CSMD3: variants seen among roughly 807,000 people sequenced by gnomAD.
CSMD3 encodes CUB and sushi domain-containing protein 3.
A neutral mutation model predicts 435.2 loss-of-function variants in CSMD3; 177 were observed. The observed-to-expected ratio is 0.41, with a 90% CI of 0.36 to 0.46. The LOEUF is 0.46. Among genes scored for constraint, CSMD3 ranks in the 20% least tolerant of loss-of-function variants. CSMD3 has a pLI of 0.34. For synonymous variants in CSMD3, 1,656 were observed against 1,520.5 expected (o/e 1.09, Z -2.07); for missense variants, 4,265 against 4,504.6 (o/e 0.95, Z 1.52).
intron 1 of CSMD3, among the ~76,000 whole-genome samples, chr8:113,419,718 AG>A (rs2094600483): frequency 6.6e-6 from 1 of 152,142 alleles, no homozygotes; most frequent in African/African-American, 2.4e-5. Context: ...TAATTCCCAT[AG>A]TGCCTTTTAT....
Position 112,224,867 on chromosome 8 carries a change from A to G in CSMD3, c.11028T>C (p.Ala3676=). ...SVHENNNGQA[A]FENPMYDTNA... is the part of the protein sequence containing the mutation. Reference sequence around the variant, plus strand: ...TGGTGTCATACATGGGATTTTCAAAAGCTGCTTGGCCATTGTTATTTTCAT... The same window carrying G: ...TGGTGTCATACATGGGATTTTCAAAGGCTGCTTGGCCATTGTTATTTTCAT... Residue 3676 remains alanine, a synonymous_variant, in exon 71 of 71, where the codon GCT becomes GCC. Coordinates refer to ENST00000297405, the MANE Select transcript of CSMD3 (RefSeq NM_198123.2). 1.2e-6 allele frequency: 2 copies of G among 1,614,080 alleles called. No individual in the cohort carries two copies. Among genetic ancestry groups the G allele is most frequent in the South Asian group, 1.1e-5 (1 of 91,090 alleles).
intron 3 of CSMD3, among the ~76,000 whole-genome samples, chr8:113,198,622 C>T (rs916909529): frequency 1.3e-5 from 2 of 151,124 alleles, no homozygotes; most frequent in African/African-American, 4.8e-5. Flanking sequence ...TCCATAATTA[C>T]ATTTTAACTT....
chr8:112,537,390 G>A (rs1255131280), intron 27 of CSMD3, among the ~76,000 whole-genome samples: 1 of 138,878 alleles, frequency 7.2e-6, no homozygotes, highest in African/African-American at 2.7e-5. Flanking sequence ...AAATTATAAA[G>A]ATCAGAACAG....
intron 6 of CSMD3, among the ~76,000 whole-genome samples, chr8:112,978,110 C>A (rs1421545926): frequency 6.6e-6 from 1 of 151,808 alleles, no homozygotes; most frequent in Non-Finnish European, 1.5e-5. Context: ...AAAACTAATG[C>A]TTTAATATTT....
rs191717259 is a variant in CSMD3 at position 112,707,123 on chromosome 8, C to A, written c.1973-17073G>T. On this transcript the variant is annotated intron_variant, in intron 13 of 70. Transcript: ENST00000297405. Reference sequence around the variant, plus strand: ...TAAATGGATTTTTCTTTTGAAAGAACCTTAACTGCATACAGCCCAATAGTC... The same window carrying A: ...TAAATGGATTTTTCTTTTGAAAGAAACTTAACTGCATACAGCCCAATAGTC... 3.4e-3 allele frequency among the ~76,000 whole-genome samples: 510 copies of A among 151,842 alleles called. 4 individuals carry two copies. The highest frequency in any genetic ancestry group is 0.011 in the African/African-American group (441 of 41,350).
intron 21 of CSMD3, among the ~76,000 whole-genome samples, chr8:112,637,746 C>T (rs937222717): frequency 6.6e-6 from 1 of 151,942 alleles, no homozygotes; most frequent in African/African-American, 2.4e-5. Context: ...AGAGGCATTG[C>T]TTCATGTTGA....
At chr8:112,558,726 T>C (rs902162617) in intron 24 of CSMD3, among the ~76,000 whole-genome samples, 73 of 151,944 alleles carry the variant, frequency 4.8e-4, no homozygotes, top group African/African-American at 1.6e-3. Context: ...GAGCAGAGAA[T>C]TGGGTTTTGC....
intron 28 of CSMD3, among the ~76,000 whole-genome samples, chr8:112,509,231 A>G (rs1822844749): frequency 6.6e-6 from 1 of 152,002 alleles, no homozygotes; most frequent in Admixed American, 6.6e-5. Flanking sequence ...CTGGGACTAC[A>G]GAGGTGTGCT....
intron 2 of CSMD3, among the ~76,000 whole-genome samples, chr8:113,281,238 T>G (rs1171318118): frequency 6.6e-6 from 1 of 151,852 alleles, no homozygotes; most frequent in Non-Finnish European, 1.5e-5. Context: ...AGTTTCTGTC[T>G]TGACCTGTCT....
chr8:112,591,598 T>C (rs1384890886), intron 22 of CSMD3, among the ~76,000 whole-genome samples: 1 of 152,254 alleles, frequency 6.6e-6, no homozygotes, highest in East Asian at 1.9e-4. Context: ...AACTGTTTTG[T>C]GAAAGCAGGC....
chr8:112,456,409 T>A (rs1233547923), intron 32 of CSMD3, among the ~76,000 whole-genome samples: 1 of 151,998 alleles, frequency 6.6e-6, no homozygotes, highest in Non-Finnish European at 1.5e-5. Flanking sequence ...TTAACTGCAA[T>A]AAGCACTGAG....
chr8:113,146,001 C>A (rs950029433), intron 4 of CSMD3, among the ~76,000 whole-genome samples: 3 of 151,392 alleles, frequency 2.0e-5, no homozygotes, highest in Non-Finnish European at 4.4e-5. Flanking sequence ...TACCATAACA[C>A]CATGACCAAA....
chr8:113,364,259 A>T (rs531462421), intron 1 of CSMD3, among the ~76,000 whole-genome samples: 10 of 109,174 alleles, frequency 9.2e-5, no homozygotes, highest in South Asian at 3.0e-4. Context: ...TTTTTTTTTT[A>T]AAAAGGATCT....
intron 23 of CSMD3, among the ~76,000 whole-genome samples, chr8:112,576,515 T>C (rs1829956853): frequency 6.6e-6 from 1 of 151,922 alleles, no homozygotes; most frequent in Non-Finnish European, 1.5e-5. Flanking sequence ...GCATACATTT[T>C]TTTTCCTTTT....
At chr8:113,114,303 T>C (rs142153038) in intron 4 of CSMD3, among the ~76,000 whole-genome samples, 254 of 152,032 alleles carry the variant, frequency 1.7e-3, no homozygotes, top group African/African-American at 6.0e-3. Flanking sequence ...GACCAGTCAA[T>C]TGAGAAATAA....
At chr8:112,336,850 CA>C (rs773338933) in intron 43 of CSMD3, 21 bp from the exon 44 acceptor site, 13 of 1,592,434 alleles carry the variant, frequency 8.2e-6, no homozygotes, top group Admixed American at 5.0e-5. Flanking sequence ...AGTCACAAAA[CA>C]AAATAATATT....
intron 27 of CSMD3, among the ~76,000 whole-genome samples, chr8:112,525,708 G>A (rs943885816): frequency 4.1e-5 from 6 of 145,236 alleles, no homozygotes; most frequent in South Asian, 4.3e-4. Flanking sequence ...GCGACAGAGC[G>A]AGACTCCGTC....
intron 5 of CSMD3, among the ~76,000 whole-genome samples, chr8:113,095,650 C>A (rs2131532540): frequency 6.6e-6 from 1 of 151,738 alleles, no homozygotes; most frequent in Admixed American, 6.6e-5. Flanking sequence ...CAACCAATCA[C>A]AGATCAAAAA....
chr8:112,965,475 GA>G (rs935702726), intron 7 of CSMD3, among the ~76,000 whole-genome samples: 1 of 151,668 alleles, frequency 6.6e-6, no homozygotes, highest in African/African-American at 2.4e-5. Flanking sequence ...CTGAAAATCT[GA>G]AAAAAATATA....
Sources: gnomAD v4.1 joint callset for allele counts (sites outside exome capture counted in the v4.1 genomes callset) on GRCh38, gnomAD v4.1.1 for gene constraint, MANE v1.5 for transcripts, NCBI Gene and HGNC (gene_info 2026-07-23, HGNC 2026-07-21) for gene names.